The following FAM76B variants were observed in gnomAD, a reference collection of about 807,000 sequenced individuals.
FAM76B encodes the protein protein FAM76B.
In FAM76B, 16 loss-of-function variants were observed where a neutral mutation model predicts 51.8. The observed-to-expected ratio is 0.31, with a 90% CI of 0.21 to 0.47. FAM76B has a LOEUF of 0.47. Ranked by LOEUF, FAM76B falls within the 20% of genes least tolerant of loss-of-function variation. The pLI is 1.00. For synonymous variants in FAM76B, 166 were observed against 129.5 expected (o/e 1.28, Z -1.91); for missense variants, 342 against 392.6 (o/e 0.87, Z 1.09).
At chr11:95,771,760 A>ACTTCACTTT in intron 9 of FAM76B, 110 bp from the exon 10 acceptor site, 1 of 789,138 alleles carries the variant, frequency 1.3e-6, no homozygotes, top group Non-Finnish European at 2.0e-6. Flanking sequence ...TGTTTCACTA[A>ACTTCACTTT]AGCACTAACA....
intron 4 of FAM76B, among the ~76,000 whole-genome samples, chr11:95,783,819 A>C (rs1860408497): frequency 6.6e-6 from 1 of 152,194 alleles, no homozygotes; most frequent in South Asian, 2.1e-4. Flanking sequence ...GTGGTGAAAA[A>C]TCTGTGCCAC....
intron 9 of FAM76B, 30 bp downstream of exon 9, chr11:95,775,892 C>G (rs1859981612): frequency 3.4e-6 from 5 of 1,462,888 alleles, no homozygotes; most frequent in Non-Finnish European, 3.7e-6. Flanking sequence ...CCCTTCTTGC[C>G]TATCATTTTA....
rs1017345225 is a variant in FAM76B, at chr11:95,769,358, T to C, written c.*2203A>G. 8 of 152,164 alleles carry C rather than the reference T, an allele frequency of 5.3e-5. No individual in the cohort carries two copies. Among genetic ancestry groups the C allele is most frequent in the African/African-American group, 1.9e-4 (8 of 41,366 alleles). The allele number at this position is 152,164 out of a possible 1,614,324, so 9.4% of individuals were successfully genotyped here. On this transcript the variant is annotated 3_prime_UTR_variant, in exon 10 of 10. Coordinates refer to ENST00000358780, the MANE Select transcript of FAM76B (RefSeq NM_144664.5). ...AAATTTAAGTTATAAAATAAGGTCA[T>C]GGAATAAAGAAGGGTATTTAATTAG...
intron 1 of FAM76B, chr11:95,788,854 T>C: frequency 7.2e-7 from 1 of 1,396,066 alleles, no homozygotes; most frequent in South Asian, 1.2e-5. Context: ...CTTATTATTT[T>C]GCACCGTTGC....
intron 5 of FAM76B, among the ~76,000 whole-genome samples, chr11:95,781,949 C>T (rs565310497): frequency 6.6e-6 from 1 of 152,190 alleles, no homozygotes; most frequent in African/African-American, 2.4e-5. Flanking sequence ...TCTAAAAATA[C>T]TGCATGTGTT....
intron 7 of FAM76B, 64 bp downstream of exon 7, chr11:95,779,543 G>T: frequency 7.6e-7 from 1 of 1,307,412 alleles, no homozygotes. Context: ...AGTAATAACT[G>T]GCATTCAACC....
Position 95,787,591 on chromosome 11 carries a change from T to C in FAM76B, c.207+33A>G, listed in dbSNP as rs781072927. 1.3e-5 allele frequency: 21 copies of C among 1,594,918 alleles called. No individual in the cohort carries two copies. In the African/African-American group the frequency reaches 2.8e-4, roughly 21 times the overall value. ...CAGCTTTATGAAAAATATTAACTGG[T>C]AACAATGACATGAAAACATAAGACA... On this transcript the variant is annotated intron_variant, in intron 3 of 9. Coordinates refer to ENST00000358780, the MANE Select transcript of FAM76B (RefSeq NM_144664.5).
At chr11:95,776,948 C>T (rs1480543782) in intron 8 of FAM76B, among the ~76,000 whole-genome samples, 1 of 150,800 alleles carries the variant, frequency 6.6e-6, no homozygotes, top group African/African-American at 2.4e-5. Context: ...AAAACCCTTG[C>T]TTTTGTCAAA....
intron 6 of FAM76B, 29 bp downstream of exon 6, chr11:95,779,849 AT>A: frequency 6.3e-7 from 1 of 1,592,184 alleles, no homozygotes. Flanking sequence ...ACATTTCAAA[AT>A]ACTTCAGAAA....
intron 6 of FAM76B, 65 bp downstream of exon 6, chr11:95,779,814 G>A: frequency 1.3e-6 from 2 of 1,559,538 alleles, no homozygotes; most frequent in South Asian, 1.2e-5. Context: ...TAACAAAGTT[G>A]AAGGGATATC....
intron 7 of FAM76B, 68 bp downstream of exon 7, chr11:95,779,539 A>C: frequency 1.6e-6 from 2 of 1,287,764 alleles, no homozygotes; most frequent in Non-Finnish European, 2.2e-6. Flanking sequence ...ATCTAGTAAT[A>C]ACTGGCATTC....
At chr11:95,777,521 A>G (rs1860062649) in intron 8 of FAM76B, among the ~76,000 whole-genome samples, 1 of 151,398 alleles carries the variant, frequency 6.6e-6, no homozygotes, top group African/African-American at 2.4e-5. Context: ...GCTAATGCAG[A>G]TATATCTGGC....
rs1463399306 is a variant in FAM76B, at chr11:95,769,798, T to A, written c.*1763A>T. 1 of 151,338 alleles carries A rather than the reference T, an allele frequency of 6.6e-6. No homozygotes were observed. Among genetic ancestry groups the A allele is most frequent in the African/African-American group, 2.4e-5 (1 of 41,120 alleles). The allele number at this position is 151,338 out of a possible 1,614,324, so 9.4% of individuals were successfully genotyped here. A position where few individuals can be genotyped will look rare whatever the true frequency, so the allele number is the denominator to read the frequency against. ...AGAAAATTATTACATGAAGATCCCA[T>A]AAAAATAAACTGGTTTAGTTTACAA... is the stretch of plus-strand genomic sequence containing the variant. On this transcript the variant is annotated 3_prime_UTR_variant, in exon 10 of 10. Transcript: ENST00000358780.
chr11:95,771,688 G>A (rs1431352994), intron 9 of FAM76B, 38 bp from the exon 10 acceptor site: 2 of 1,496,270 alleles, frequency 1.3e-6, no homozygotes, highest in Non-Finnish European at 1.9e-6. Context: ...AAAAATGTTT[G>A]AAATATTATT....
At chr11:95,780,391 C>T (rs1241865213) in intron 5 of FAM76B, among the ~76,000 whole-genome samples, 1 of 151,806 alleles carries the variant, frequency 6.6e-6, no homozygotes, top group East Asian at 1.9e-4. Flanking sequence ...ATATTGATTT[C>T]TTTGATTCTT....
rs191846492 is a variant in FAM76B, at chr11:95,784,493, A to G, written c.364-1229T>C. 2.2e-3 allele frequency among the ~76,000 whole-genome samples: 328 copies of G among 152,172 alleles called. 4 individuals carry two copies. Among genetic ancestry groups the G allele is most frequent in the African/African-American group, 7.3e-3 (305 of 41,508 alleles). Reference sequence around the variant, plus strand: ...CTTAAAGAGAAAATATGTGTGTTACATAAGTTATGTTCAGGCACTCTTAGC... The same window carrying G: ...CTTAAAGAGAAAATATGTGTGTTACGTAAGTTATGTTCAGGCACTCTTAGC... On this transcript the variant is annotated intron_variant, in intron 4 of 9. Transcript: ENST00000358780.
At chr11:95,779,858 A>G (rs199620007) in intron 6 of FAM76B, 21 bp downstream of exon 6, 10 of 1,594,228 alleles carry the variant, frequency 6.3e-6, no homozygotes, top group Non-Finnish European at 8.5e-7. Flanking sequence ...AATACTTCAG[A>G]AAATACAGCA....
Position 95,770,979 on chromosome 11 carries a change from A to G in FAM76B, c.*582T>C, listed in dbSNP as rs1859740569. On this transcript the variant is annotated 3_prime_UTR_variant, in exon 10 of 10. Coordinates refer to ENST00000358780, the MANE Select transcript of FAM76B (RefSeq NM_144664.5). ...AACATTAATTCCTATACCAATAATGAAAATGCTAGGTTACTAATGTTAATG... is the reference window on the plus strand; with the variant it reads ...AACATTAATTCCTATACCAATAATGGAAATGCTAGGTTACTAATGTTAATG... 6.6e-6 allele frequency: 1 copy of G among 151,276 alleles called. No individual in the cohort carries two copies. The highest frequency in any genetic ancestry group is 1.5e-5 in the Non-Finnish European group (1 of 67,350). 9.4% of individuals were successfully genotyped at this position (151,276 alleles called of 1,614,324 possible).
In FAM76B at chr11:95,771,589, T is replaced by C. The variant is rs1410884081; in HGVS notation, c.992A>G (p.Lys331Arg). Reference sequence around the variant, plus strand: ...AGGAGATGTTAGTATGCTTCCACTTTTGTCAAATTTTTTACCCTTTGATAA... The same window carrying C: ...AGGAGATGTTAGTATGCTTCCACTTCTGTCAAATTTTTTACCCTTTGATAA... ...AALSKGKKFDKSGSILTSP is the reference protein window; with the variant it reads ...AALSKGKKFDRSGSILTSP The change falls in exon 10 of 10, where the codon AAA becomes AGA. Residue 331 changes from lysine to arginine, a missense_variant. Physicochemically the swap from Lys to Arg is conservative, Grantham distance 26. Around this residue, in one of 3 missense-constraint regions of FAM76B, gnomAD observed 230 missense variants for 257.4 expected, o/e 0.89. Coordinates refer to ENST00000358780, the MANE Select transcript of FAM76B (RefSeq NM_144664.5). The C allele has an allele frequency of 1.2e-6, 2 of 1,607,248 alleles. No homozygotes were observed. The highest frequency in any genetic ancestry group is 1.7e-6 in the Non-Finnish European group (2 of 1,175,098).
Sources: allele counts gnomAD v4.1 joint callset (sites outside exome capture counted in the v4.1 genomes callset), GRCh38; gene constraint gnomAD v4.1.1; regional missense constraint gnomAD v4.1.1; transcripts MANE v1.5; gene names NCBI Gene and HGNC (gene_info 2026-07-23, HGNC 2026-07-21).